The following OR5P3 variants were observed in gnomAD, a reference collection of about 807,000 sequenced individuals.
The protein encoded by OR5P3 is olfactory receptor family 5 subfamily P member 3.
For missense variants in OR5P3, 415 were observed against 375.6 expected (o/e 1.10, Z -0.87); for synonymous variants, 172 against 141.8 (o/e 1.21, Z -1.51).
At chr11:7,826,113 G>T (rs1857738695) in intron 1 of OR5P3, 120 bp from the exon 2 acceptor site, 1 of 578,914 alleles carries the variant, frequency 1.7e-6, no homozygotes, top group Non-Finnish European at 3.0e-6. Context: ...AATTTGGGAA[G>T]AAAATGCTTT....
At position 7,825,714 on chromosome 11, in the gene OR5P3, T is replaced by C; in HGVS notation, c.259A>G (p.Arg87Gly). 1 of 1,613,164 alleles carries C rather than the reference T, an allele frequency of 6.2e-7. No individual in the cohort carries two copies. Among genetic ancestry groups the C allele is most frequent in the East Asian group, 2.2e-5 (1 of 44,872 alleles). Residue 87 changes from arginine to glycine, a missense_variant, in exon 2 of 2, where the codon AGG (arginine) becomes GGG (glycine). Coordinates refer to ENST00000641167, the MANE Select transcript of OR5P3 (RefSeq NM_153445.2). Reference protein sequence around the residue: ...VTPVMLMSFLRKETSLPVAGC... With the variant: ...VTPVMLMSFLGKETSLPVAGC... ...GCAACAGGGAGAGAGGTTTCTTTCC[T>C]TAGGAAGCTCATGAGCATGACAGGT...
At position 7,825,262 on chromosome 11, in the gene OR5P3, G is replaced by A. The variant is rs888822884; in HGVS notation, c.711C>T (p.Ala237=). 10 of 1,613,006 alleles carry A rather than the reference G, an allele frequency of 6.2e-6. No homozygotes were observed. The highest frequency in any genetic ancestry group is 1.7e-5 in the Admixed American group (1 of 59,952). Residue 237 remains alanine (A), a synonymous_variant, in exon 2 of 2, where the codon GCC becomes GCT. Transcript: ENST00000641167. ...TGAGGTGGGAGGTGCAGGTGGAGAA[G>A]GCCTTGTGGCGGCCCTTGGTGGAGT... ...KMHSTKGRHK[A]FSTCTSHLTA...
At chr11:7,828,957 G>A (rs556075432) in intron 1 of OR5P3, among the ~76,000 whole-genome samples, 1 of 152,196 alleles carries the variant, frequency 6.6e-6, no homozygotes, top group Admixed American at 6.5e-5. Context: ...TATACAAAAT[G>A]TTTAAACTGA....
chr11:7,828,674 C>T (rs561408219), intron 1 of OR5P3, among the ~76,000 whole-genome samples: 119 of 152,108 alleles, frequency 7.8e-4, no homozygotes, highest in African/African-American at 2.7e-3. Flanking sequence ...TAGGTAAAAT[C>T]AAAGGGTCAA....
At chr11:7,826,510 T>C (rs1454163948) in intron 1 of OR5P3, among the ~76,000 whole-genome samples, 1 of 151,806 alleles carries the variant, frequency 6.6e-6, no homozygotes, top group Non-Finnish European at 1.5e-5. Flanking sequence ...CAAGAAGAGG[T>C]CAGTAACTCA....
intron 1 of OR5P3, 104 bp from the exon 2 acceptor site, chr11:7,826,097 C>T: frequency 1.7e-6 from 1 of 605,470 alleles, no homozygotes; most frequent in East Asian, 2.8e-5. Flanking sequence ...TTTAGGCACT[C>T]ATGTAAATTT....
intron 1 of OR5P3, among the ~76,000 whole-genome samples, chr11:7,829,492 T>C (rs371578677): frequency 6.6e-6 from 1 of 152,106 alleles, no homozygotes; most frequent in Non-Finnish European, 1.5e-5. Flanking sequence ...TTGTGCCCAG[T>C]TGGAATGGGC....
rs763553480 is a variant in OR5P3 at position 7,825,025 on chromosome 11, T to C, written c.*12A>G. 1 of 1,590,814 alleles carries C rather than the reference T, an allele frequency of 6.3e-7. No homozygotes were observed. Among genetic ancestry groups the C allele is most frequent in the South Asian group, 1.1e-5 (1 of 89,200 alleles). On this transcript the variant is annotated 3_prime_UTR_variant, in exon 2 of 2. Transcript: ENST00000641167. ...TATTAATATATCAGATTCTTCAAACTAACTAGTTTCATCAAGAAAATATTT... is the reference window on the plus strand; with the variant it reads ...TATTAATATATCAGATTCTTCAAACCAACTAGTTTCATCAAGAAAATATTT...
chr11:7,825,546 T>G lies in OR5P3; in HGVS notation c.427A>C (p.Ile143Leu), dbSNP rs1272324541. 1 of 1,612,940 alleles carries G rather than the reference T, an allele frequency of 6.2e-7. No homozygotes were observed. The highest frequency in any genetic ancestry group is 2.2e-5 in the East Asian group (1 of 44,896). Residue 143 changes from isoleucine to leucine, a missense_variant, in exon 2 of 2, where the codon ATC becomes CTC. By Grantham distance (5) the Ile-to-Leu change is conservative. Coordinates refer to ENST00000641167, the MANE Select transcript of OR5P3 (RefSeq NM_153445.2). ...STCMSPGVCI[I>L]LVGMSYLGGC... ...CCCAGGTAGGACATGCCCACTAAGA[T>G]GATGCAGACTCCAGGGGACATGCAG... is the stretch of plus-strand genomic sequence containing the variant.
chr11:7,825,245 G>T lies in OR5P3; in HGVS notation c.728C>A (p.Ser243Tyr), dbSNP rs1317993989. 10 of 1,612,968 alleles carry T rather than the reference G, an allele frequency of 6.2e-6. No homozygotes were observed. The African/African-American group carries it at 1.4e-4, about 22-fold the overall frequency. Residue 243 changes from serine to tyrosine, a missense_variant, in exon 2 of 2, where the codon TCC becomes TAC. Ser to Tyr is a moderately radical substitution (Grantham distance 144). Transcript: ENST00000641167. ...GRHKAFSTCT[S>Y]HLTAVTLFYG... is the part of the protein sequence containing the mutation. ...GAACAGAGTGACTGCAGTGAGGTGG[G>T]AGGTGCAGGTGGAGAAGGCCTTGTG...
chr11:7,826,898 G>C (rs1857749084), intron 1 of OR5P3, among the ~76,000 whole-genome samples: 1 of 152,146 alleles, frequency 6.6e-6, no homozygotes, highest in Admixed American at 6.5e-5. Context: ...TGCATCTGTA[G>C]GTCACCTTCT....
In OR5P3 at chr11:7,825,780, G is replaced by A. The variant is rs770599210; in HGVS notation, c.193C>T (p.His65Tyr). The A allele has an allele frequency of 2.5e-6, 4 of 1,613,168 alleles. No homozygotes were observed. Among genetic ancestry groups the A allele is most frequent in the Non-Finnish European group, 2.5e-6 (3 of 1,180,000 alleles). The change falls in exon 2 of 2, where the codon CAT becomes TAT. Residue 65 changes from histidine (H) to tyrosine (Y), a missense_variant. His to Tyr is a moderately conservative substitution (Grantham distance 83). Coordinates refer to ENST00000641167, the MANE Select transcript of OR5P3 (RefSeq NM_153445.2). ...TACCCAATGTCTACAAAGGCCAAAT[G>A]GCAGAGGAAAATGTACATGGGTGTA... ...LHTPMYIFLC[H>Y]LAFVDIGYSS...
Position 7,825,515 on chromosome 11 carries a change from C to T in OR5P3, c.458G>A (p.Cys153Tyr). 6.2e-7 allele frequency: 1 copy of T among 1,613,286 alleles called. No homozygotes were observed. Among genetic ancestry groups the T allele is most frequent in the Non-Finnish European group, 8.5e-7 (1 of 1,180,024 alleles). ...GCCAATGAATGTCCAAGCATTCACA[C>T]ATCCACCCAGGTAGGACATGCCCAC... ...ILVGMSYLGG[C>Y]VNAWTFIGCL... is the part of the protein sequence containing the mutation. Residue 153 changes from cysteine (C) to tyrosine (Y), a missense_variant, in exon 2 of 2, where the codon TGT becomes TAT. By Grantham distance (194) the Cys-to-Tyr change is radical (BLOSUM62 -2). Coordinates refer to ENST00000641167, the MANE Select transcript of OR5P3 (RefSeq NM_153445.2).
Position 7,825,749 on chromosome 11 carries a change from G to A in OR5P3, c.224C>T (p.Ser75Leu). 1 of 1,613,220 alleles carries A rather than the reference G, an allele frequency of 6.2e-7. No individual in the cohort carries two copies. The highest frequency in any genetic ancestry group is 1.1e-5 in the South Asian group (1 of 91,082). The change falls in exon 2 of 2, where the codon TCA becomes TTA. Residue 75 changes from serine (S) to leucine (L), a missense_variant. Transcript: ENST00000641167. Reference sequence around the variant, plus strand: ...CATGAGCATGACAGGTGTGACTGATGAGGAGTACCCAATGTCTACAAAGGC... The same window carrying A: ...CATGAGCATGACAGGTGTGACTGATAAGGAGTACCCAATGTCTACAAAGGC... The part of the protein sequence containing the change: ...HLAFVDIGYS[S>L]SVTPVMLMSF...
At position 7,825,335 on chromosome 11, in the gene OR5P3, AC is replaced by A; in HGVS notation, c.637del (p.Val213SerfsTer2). 6.2e-7 allele frequency: 1 copy of A among 1,613,208 alleles called. No homozygotes were observed. Among genetic ancestry groups the A allele is most frequent in the East Asian group, 2.2e-5 (1 of 44,892 alleles). ...SGSIIVATVCVIAISYIYILI... is the reference protein window; with the variant it reads ...SGSIIVATVCXIAISYIYILI... ...GATATAGATGTAGGATATGGCTATGACACACACAGTGGCCACAATGATAGAT... is the reference window on the plus strand; with the variant it reads ...GATATAGATGTAGGATATGGCTATGAACACACAGTGGCCACAATGATAGAT... On this transcript the variant is annotated frameshift_variant, in exon 2 of 2. Transcript: ENST00000641167. LOFTEE classifies it low-confidence loss of function (END_TRUNC).
Position 7,825,678 on chromosome 11 carries a change from C to A in OR5P3, c.295G>T (p.Ala99Ser). ...AACGTCACTACAGAACAGAGCTGGG[C>A]CACACAACCAGCAACAGGGAGAGAG... ...ETSLPVAGCV[A>S]QLCSVVTFGT... Residue 99 changes from alanine (A) to serine (S), a missense_variant, in exon 2 of 2, where the codon GCC (alanine) becomes TCC (serine). Ala to Ser is a moderately conservative substitution (Grantham distance 99). Transcript: ENST00000641167. 1 of 1,613,102 alleles carries A rather than the reference C, an allele frequency of 6.2e-7. No homozygotes were observed. Among genetic ancestry groups the A allele is most frequent in the Non-Finnish European group, 8.5e-7 (1 of 1,180,016 alleles).
Position 7,825,732 on chromosome 11 carries a change from T to C in OR5P3, c.241A>G (p.Met81Val), listed in dbSNP as rs1201430893. 6 of 1,613,118 alleles carry C rather than the reference T, an allele frequency of 3.7e-6. No individual in the cohort carries two copies. The highest frequency in any genetic ancestry group is 4.2e-6 in the Non-Finnish European group (5 of 1,180,038). Residue 81 changes from methionine to valine, a missense_variant, in exon 2 of 2, where the codon ATG becomes GTG. Transcript: ENST00000641167. ...TCTTTCCTTAGGAAGCTCATGAGCA[T>C]GACAGGTGTGACTGATGAGGAGTAC... ...IGYSSSVTPVMLMSFLRKETS... is the reference protein window; with the variant it reads ...IGYSSSVTPVVLMSFLRKETS...
chr11:7,826,064 T>C (rs761088130), intron 1 of OR5P3, 71 bp from the exon 2 acceptor site: 1 of 746,688 alleles, frequency 1.3e-6, no homozygotes, highest in Non-Finnish European at 2.1e-6. Context: ...TTCCAATATC[T>C]ATTTAACCAA....
At chr11:7,829,191 A>C (rs1489824524) in intron 1 of OR5P3, among the ~76,000 whole-genome samples, 5 of 152,164 alleles carry the variant, frequency 3.3e-5, no homozygotes, top group African/African-American at 4.8e-5. Flanking sequence ...AATATGCACC[A>C]AAGGGCATCA....
Sources: gnomAD v4.1 joint callset for allele counts (sites outside exome capture counted in the v4.1 genomes callset) on GRCh38, gnomAD v4.1.1 for gene constraint, MANE v1.5 for transcripts, NCBI Gene and HGNC (gene_info 2026-07-23, HGNC 2026-07-21) for gene names.